The following TDRD5 variants were observed in gnomAD, a reference collection of about 807,000 sequenced individuals.
TDRD5 encodes tudor domain containing 5.
A neutral mutation model predicts 120.6 loss-of-function variants in TDRD5; 41 were observed. The observed-to-expected ratio is 0.34, with a 90% CI of 0.26 to 0.44. The LOEUF (loss-of-function observed/expected upper bound fraction) is 0.44. Among genes scored for constraint, TDRD5 ranks in the 20% least tolerant of loss-of-function variants. The pLI, the probability that TDRD5 is intolerant of heterozygous loss-of-function variation, is 1.00. For missense variants in TDRD5, 1,006 were observed against 1,221.2 expected, an observed-to-expected ratio of 0.82 and a Z score of 2.63; for synonymous variants, 430 against 433.7, an observed-to-expected ratio of 0.99 and a Z score of 0.11.
intron 4 of TDRD5, among the ~76,000 whole-genome samples, chr1:179,600,097 G>C (rs1422838373): frequency 6.6e-6 from 1 of 152,048 alleles, no homozygotes; most frequent in East Asian, 1.9e-4. Flanking sequence ...GTTATCATAG[G>C]TGATGACAGC....
chr1:179,605,942 TTTGGGTAAA>T (rs1473145918), intron 4 of TDRD5, among the ~76,000 whole-genome samples: 3 of 152,112 alleles, frequency 2.0e-5, no homozygotes, highest in African/African-American at 7.2e-5. Flanking sequence ...TTTCAATTCA[TTTGGGTAAA>T]TACTAAGGAG....
intron 17 of TDRD5, among the ~76,000 whole-genome samples, chr1:179,688,614 C>CCTGCATAATATCCTGCATAATA (rs1680897205): frequency 1.3e-5 from 2 of 152,112 alleles, no homozygotes; most frequent in African/African-American, 4.8e-5. Flanking sequence ...TGGGGAAGTT[C>CCTGCATAATATCCTGCATAATA]TCCTGGATAA....
intron 6 of TDRD5, among the ~76,000 whole-genome samples, chr1:179,629,291 A>G (rs1055040206): frequency 6.6e-6 from 1 of 152,228 alleles, no homozygotes; most frequent in African/African-American, 2.4e-5. Flanking sequence ...TTTAAAAACC[A>G]AAAGGATTGA....
At chr1:179,655,802 C>T (rs1234409968) in intron 14 of TDRD5, among the ~76,000 whole-genome samples, 3 of 152,214 alleles carry the variant, frequency 2.0e-5, no homozygotes, top group South Asian at 4.1e-4. Flanking sequence ...ATGTTCTTTT[C>T]GATTGCTGAA....
At chr1:179,634,664 C>T (rs759661979) in intron 8 of TDRD5, 35 bp downstream of exon 8, 2 of 1,562,970 alleles carry the variant, frequency 1.3e-6, no homozygotes, top group Non-Finnish European at 8.6e-7. Flanking sequence ...ACTGGAGATT[C>T]AGCATTATGG....
chr1:179,653,296 T>C (rs564627212), intron 13 of TDRD5, among the ~76,000 whole-genome samples: 22 of 152,322 alleles, frequency 1.4e-4, no homozygotes, highest in Non-Finnish European at 2.5e-4. Context: ...GTGTTTTGTA[T>C]ATCTGACTTT....
At chr1:179,602,191 C>A (rs1432114955) in intron 4 of TDRD5, among the ~76,000 whole-genome samples, 5 of 152,214 alleles carry the variant, frequency 3.3e-5, no homozygotes, top group Non-Finnish European at 7.3e-5. Context: ...TAGAAGTGTT[C>A]CCTGTTAACC....
At chr1:179,640,124 G>A (rs1677964765) in intron 10 of TDRD5, 73 bp downstream of exon 10, 14 of 1,511,454 alleles carry the variant, frequency 9.3e-6, no homozygotes, top group Non-Finnish European at 1.3e-5. Context: ...GTGGGGTTGG[G>A]ATCTCTCTTT....
intron 11 of TDRD5, among the ~76,000 whole-genome samples, chr1:179,649,132 G>C (rs753573714): frequency 9.2e-5 from 14 of 152,000 alleles, no homozygotes; most frequent in Non-Finnish European, 1.9e-4. Context: ...CTGTCTCTAG[G>C]TGTTTTTAAA....
At chr1:179,684,683 A>G (rs144757271) in intron 17 of TDRD5, among the ~76,000 whole-genome samples, 254 of 152,252 alleles carry the variant, frequency 1.7e-3, no homozygotes, top group African/African-American at 5.8e-3. Flanking sequence ...AAGTGTTCCT[A>G]TTTCTCCAAA....
intron 17 of TDRD5, among the ~76,000 whole-genome samples, chr1:179,684,458 T>C (rs1445657265): frequency 1.3e-5 from 2 of 152,206 alleles, no homozygotes; most frequent in African/African-American, 2.4e-5. Flanking sequence ...TGATGGACAT[T>C]TGGGTTGGTT....
intron 5 of TDRD5, 61 bp downstream of exon 5, chr1:179,618,743 G>A: frequency 7.9e-7 from 1 of 1,268,644 alleles, no homozygotes; most frequent in Non-Finnish European, 1.1e-6. Flanking sequence ...TATATCATTT[G>A]TGGTTGAGTT....
chr1:179,663,296 T>G, intron 15 of TDRD5, 52 bp from the exon 16 acceptor site: 15 of 1,547,596 alleles, frequency 9.7e-6, no homozygotes, highest in Non-Finnish European at 1.2e-5. Context: ...ATCCTCTTTT[T>G]GGGTCATGTT....
At chr1:179,643,412 T>C (rs1678159890) in intron 11 of TDRD5, among the ~76,000 whole-genome samples, 1 of 152,114 alleles carries the variant, frequency 6.6e-6, no homozygotes, top group Non-Finnish European at 1.5e-5. Context: ...GACATTGGAG[T>C]TAGCAGACAA....
chr1:179,628,328 T>C (rs967756754), intron 6 of TDRD5, among the ~76,000 whole-genome samples: 12 of 111,744 alleles, frequency 1.1e-4, no homozygotes, highest in Non-Finnish European at 1.9e-4. Flanking sequence ...TCTTTTCTTT[T>C]TTTTTTTTTT....
intron 11 of TDRD5, among the ~76,000 whole-genome samples, chr1:179,643,039 TCCCAAATCATTATATATGATCTG>T (rs1416681916): frequency 6.6e-6 from 1 of 152,168 alleles, no homozygotes; most frequent in Non-Finnish European, 1.5e-5. Context: ...ATGGATGAGT[TCCCAAATCATTATATATGATCTG>T]CCCAAATCCT....
rs1352353186 is a variant in TDRD5, at chr1:179,663,344, A to T, written c.2506-4A>T. 6.2e-7 allele frequency: 1 copy of T among 1,605,638 alleles called. No homozygotes were observed. The highest frequency in any genetic ancestry group is 1.1e-5 in the South Asian group (1 of 88,898). On this transcript the variant is annotated splice_polypyrimidine_tract_variant and splice_region_variant and intron_variant, in intron 15 of 17. Coordinates refer to ENST00000444136, the MANE Select transcript of TDRD5 (RefSeq NM_001199085.3). Reference sequence around the variant, plus strand: ...AGTCTGTTGTTGCCATTTTTTCATTATAGGACTGGTGTTTTTCTACCCCTA... The same window carrying T: ...AGTCTGTTGTTGCCATTTTTTCATTTTAGGACTGGTGTTTTTCTACCCCTA...
chr1:179,592,778 G>C lies in TDRD5; in HGVS notation c.163G>C (p.Glu55Gln). ...AATCCTTGGGTATCGGTCCACTATGGAGCTGGTATTGGACATGCCTGATGT... is the reference window on the plus strand; with the variant it reads ...AATCCTTGGGTATCGGTCCACTATGCAGCTGGTATTGGACATGCCTGATGT... ...LRILGYRSTMELVLDMPDVVR... is the reference protein window; with the variant it reads ...LRILGYRSTMQLVLDMPDVVR... Residue 55 changes from glutamate to glutamine, a missense_variant, in exon 2 of 18, where the codon GAG becomes CAG. Physicochemically the swap from Glu to Gln is conservative, Grantham distance 29. Coordinates refer to ENST00000444136, the MANE Select transcript of TDRD5 (RefSeq NM_001199085.3). The C allele has an allele frequency of 6.2e-7, 1 of 1,614,186 alleles. No homozygotes were observed.
intron 17 of TDRD5, among the ~76,000 whole-genome samples, chr1:179,689,987 A>G (rs1333825967): frequency 6.6e-6 from 1 of 151,896 alleles, no homozygotes; most frequent in East Asian, 1.9e-4. Context: ...GAATTCCCCG[A>G]CCCCTTGCGC....
Sources: gnomAD v4.1 joint callset for allele counts (sites outside exome capture counted in the v4.1 genomes callset) on GRCh38, gnomAD v4.1.1 for gene constraint, MANE v1.5 for transcripts, NCBI Gene and HGNC (gene_info 2026-07-23, HGNC 2026-07-21) for gene names.